BNC2: variants seen among roughly 807,000 people sequenced by gnomAD.
BNC2 encodes zinc finger protein basonuclin-2.
BNC2 carries 20 observed loss-of-function variants against 76.3 expected under a neutral mutation model. The ratio of observed to expected loss-of-function variants is 0.26; its 90% CI spans 0.18 to 0.38. The LOEUF (loss-of-function observed/expected upper bound fraction) is 0.38, where lower values mean the gene tolerates loss of function less well. Ranked by LOEUF, BNC2 falls within the 10% of genes least tolerant of loss-of-function variation. BNC2 has a pLI of 1.00. For synonymous variants in BNC2, 582 were observed against 514.8 expected (o/e 1.13, Z -1.77); for missense variants, 1,382 against 1,399.8 (o/e 0.99, Z 0.20).
At position 16,415,599 on chromosome 9, in the gene BNC2, C is replaced by T. The variant is rs769755639; in HGVS notation, c.*3390G>A. On this transcript the variant is annotated 3_prime_UTR_variant, in exon 7 of 7. Coordinates refer to ENST00000380672, the MANE Select transcript of BNC2 (RefSeq NM_017637.6). ...GCAAAGATGAGCTCCATGACTAAAA[C>T]GCTGATCTCTTTATCCTTCCTGTTT... The T allele has an allele frequency of 3.3e-5, 5 of 152,212 alleles. No individual in the cohort carries two copies. Among genetic ancestry groups the T allele is most frequent in the South Asian group, 2.1e-4 (1 of 4,834 alleles). 9.4% of individuals were successfully genotyped at this position (152,212 alleles called of 1,614,324 possible).
At chr9:16,479,993 G>T (rs1033392138) in intron 5 of BNC2, among the ~76,000 whole-genome samples, 1 of 152,184 alleles carries the variant, frequency 6.6e-6, no homozygotes, top group Non-Finnish European at 1.5e-5. Flanking sequence ...AATAAGTATA[G>T]CAGCTATTAT....
intron 1 of BNC2, among the ~76,000 whole-genome samples, chr9:16,759,725 A>AT (rs35836794): frequency 0.19 from 27,125 of 141,334 alleles, 3,493 homozygotes; most frequent in East Asian, 0.73. Flanking sequence ...GACATAAACT[A>AT]TTTTTTTTTT....
In BNC2 at chr9:16,634,604, C is replaced by T. The variant is rs927864062; in HGVS notation, c.331-51519G>A. Among the ~76,000 whole-genome samples, 7 of 151,588 alleles carry T rather than the reference C, an allele frequency of 4.6e-5. No homozygotes were observed. In the East Asian group the frequency reaches 1.4e-3, roughly 30 times the overall value. On this transcript the variant is annotated intron_variant, in intron 3 of 6. Coordinates refer to ENST00000380672, the MANE Select transcript of BNC2 (RefSeq NM_017637.6). The stretch of plus-strand genomic sequence containing the variant: ...GCAAGCTCTGCCTCCCGGATTCACA[C>T]CATTCTAGTGCCTCAGCCTTCCGAG...
chr9:16,861,453 A>G (rs1371406254), intron 1 of BNC2, among the ~76,000 whole-genome samples: 1 of 152,048 alleles, frequency 6.6e-6, no homozygotes, highest in Non-Finnish European at 1.5e-5. Context: ...CAGAATATAT[A>G]AACAGCACTT....
At chr9:16,787,363 A>G (rs1028265846) in intron 1 of BNC2, among the ~76,000 whole-genome samples, 1 of 152,200 alleles carries the variant, frequency 6.6e-6, no homozygotes, top group African/African-American at 2.4e-5. Flanking sequence ...GCCTGGTGCT[A>G]GCATTCTAGA....
intron 1 of BNC2, among the ~76,000 whole-genome samples, chr9:16,844,146 T>G (rs1434159213): frequency 1.3e-5 from 2 of 150,322 alleles, no homozygotes; most frequent in African/African-American, 4.9e-5. Flanking sequence ...TCTCATAAGT[T>G]TTTTTTTTTA....
intron 5 of BNC2, among the ~76,000 whole-genome samples, chr9:16,509,770 T>C (rs975351508): frequency 2.6e-5 from 4 of 152,182 alleles, no homozygotes; most frequent in African/African-American, 9.7e-5. Flanking sequence ...TTAAAAAGAA[T>C]CTCCAAAGCT....
intron 3 of BNC2, among the ~76,000 whole-genome samples, chr9:16,671,359 G>T (rs569133823): frequency 6.6e-6 from 1 of 152,288 alleles, no homozygotes; most frequent in Admixed American, 6.5e-5. Flanking sequence ...AAAAAGGAAA[G>T]GATAAGTGGT....
At chr9:16,574,297 C>T (rs989250392) in intron 4 of BNC2, among the ~76,000 whole-genome samples, 1 of 152,082 alleles carries the variant, frequency 6.6e-6, no homozygotes, top group African/African-American at 2.4e-5. Flanking sequence ...GCGAGCCCAT[C>T]GAAGCACTTC....
chr9:16,484,652 A>G (rs1213524327), intron 5 of BNC2, among the ~76,000 whole-genome samples: 2 of 152,220 alleles, frequency 1.3e-5, no homozygotes, highest in East Asian at 3.8e-4. Context: ...CAACTGTTCC[A>G]ATGGCATGCA....
intron 1 of BNC2, among the ~76,000 whole-genome samples, chr9:16,819,461 G>A (rs980852167): frequency 3.3e-5 from 5 of 152,038 alleles, no homozygotes; most frequent in African/African-American, 4.8e-5. Flanking sequence ...TCTGGAGTTC[G>A]AGACCAGCCT....
rs538974879 is a variant in BNC2, at chr9:16,451,811, C to T, written c.670-14287G>A. ...TTATATTTCTCTGTCAAGTAGGTCT[C>T]TTTATTTCAGGTTTATCGTCCTTGA... On this transcript the variant is annotated intron_variant, in intron 5 of 6. Transcript: ENST00000380672. Among the ~76,000 whole-genome samples, 116 of 152,258 alleles carry T rather than the reference C, an allele frequency of 7.6e-4. 1 individual carries two copies. Among genetic ancestry groups the T allele is most frequent in the African/African-American group, 2.4e-3 (101 of 41,558 alleles).
At chr9:16,735,703 C>T (rs1824646462) in intron 2 of BNC2, among the ~76,000 whole-genome samples, 2 of 151,726 alleles carry the variant, frequency 1.3e-5, no homozygotes, top group Admixed American at 6.6e-5. Flanking sequence ...TCACCAAACC[C>T]TGACCAGGCC....
chr9:16,494,386 C>A (rs534138943), intron 5 of BNC2, among the ~76,000 whole-genome samples: 40 of 152,036 alleles, frequency 2.6e-4, no homozygotes, highest in African/African-American at 9.2e-4. Flanking sequence ...CTCTTGAACT[C>A]ATGATCCACC....
intron 3 of BNC2, among the ~76,000 whole-genome samples, chr9:16,612,615 C>A (rs1379719857): frequency 6.6e-6 from 1 of 152,136 alleles, no homozygotes; most frequent in African/African-American, 2.4e-5. Flanking sequence ...ATTCTAAACC[C>A]TGACATGTAA....
intron 5 of BNC2, among the ~76,000 whole-genome samples, chr9:16,516,531 C>T (rs1817445590): frequency 6.6e-6 from 1 of 152,056 alleles, no homozygotes; most frequent in Non-Finnish European, 1.5e-5. Context: ...TACCCAGAAA[C>T]CCCCCCAATA....
intron 3 of BNC2, among the ~76,000 whole-genome samples, chr9:16,726,501 T>C (rs1322701013): frequency 6.7e-6 from 1 of 149,726 alleles, no homozygotes; most frequent in East Asian, 2.0e-4. Context: ...TATCAACAAC[T>C]TTAAATATCT....
At chr9:16,491,574 C>T (rs1435368592) in intron 5 of BNC2, among the ~76,000 whole-genome samples, 1 of 152,072 alleles carries the variant, frequency 6.6e-6, no homozygotes, top group South Asian at 2.1e-4. Flanking sequence ...CTAAGAGAGC[C>T]TGGGAAATGG....
chr9:16,508,821 C>CTTTTTTT (rs386414529), intron 5 of BNC2, among the ~76,000 whole-genome samples: 1 of 143,418 alleles, frequency 7.0e-6, no homozygotes, highest in Non-Finnish European at 1.5e-5. Flanking sequence ...TTTTGCACAT[C>CTTTTTTT]TTTTTTTTTT....
Sources: gnomAD v4.1 joint callset for allele counts (sites outside exome capture counted in the v4.1 genomes callset) on GRCh38, gnomAD v4.1.1 for gene constraint, MANE v1.5 for transcripts, NCBI Gene and HGNC (gene_info 2026-07-23, HGNC 2026-07-21) for gene names.